The following USP42 variants were observed in gnomAD, a reference collection of about 807,000 sequenced individuals.
USP42 encodes the protein ubiquitin specific peptidase 42, also known as ubiquitin carboxyl-terminal hydrolase 42.
A neutral mutation model predicts 113.0 loss-of-function variants in USP42; 23 were observed. The ratio of observed to expected loss-of-function variants is 0.20; its 90% CI spans 0.15 to 0.29. The LOEUF is 0.29. Among genes scored for constraint, USP42 ranks in the 10% least tolerant of loss-of-function variants. The pLI is 1.00. For synonymous variants in USP42, 933 were observed against 699.0 expected (o/e 1.33, Z -5.28); for missense variants, 2,174 against 1,779.8 (o/e 1.22, Z -3.99).
chr7:6,122,144 A>C (rs1013910664), intron 3 of USP42, among the ~76,000 whole-genome samples: 3 of 152,076 alleles, frequency 2.0e-5, no homozygotes, highest in African/African-American at 7.2e-5. Flanking sequence ...GCTCTGTTCC[A>C]GTGTCTTAAG....
At chr7:6,117,891 G>C (rs2128483146) in intron 3 of USP42, among the ~76,000 whole-genome samples, 1 of 152,144 alleles carries the variant, frequency 6.6e-6, no homozygotes, top group African/African-American at 2.4e-5. Context: ...TTGCTAAAAT[G>C]CCTGTTGAAA....
At chr7:6,141,200 TC>T (rs373689781) in intron 7 of USP42, among the ~76,000 whole-genome samples, 16 of 149,774 alleles carry the variant, frequency 1.1e-4, no homozygotes, top group East Asian at 1.9e-4. Context: ...CTTTTTCTTT[TC>T]TTTTTTTTTT....
At chr7:6,098,922 G>C in the USP42 span, among the ~76,000 whole-genome samples, 1 of 150,186 alleles carries the variant, frequency 6.7e-6, no homozygotes, top group Admixed American at 6.6e-5. Context: ...TACCATTCTT[G>C]AACAAAGAGT....
At chr7:6,111,037 TG>T in intron 1 of USP42, 87 bp from the exon 2 acceptor site, 1 of 1,363,746 alleles carries the variant, frequency 7.3e-7, no homozygotes, top group Non-Finnish European at 9.8e-7. Flanking sequence ...TTAAAATGGC[TG>T]GAATGATCTT....
chr7:6,106,261 T>C (rs1779269960), intron 1 of USP42, among the ~76,000 whole-genome samples: 1 of 152,242 alleles, frequency 6.6e-6, no homozygotes, highest in Non-Finnish European at 1.5e-5. Context: ...TTAAAGCGTG[T>C]GTGTTTTCTC....
In USP42 at chr7:6,150,143, C is replaced by T. The variant is rs748779106; in HGVS notation, c.1947C>T (p.His649=). The change falls in exon 13 of 18, where the codon CAC becomes CAT. Residue 649 remains histidine, a synonymous_variant. Coordinates refer to ENST00000306177, the MANE Select transcript of USP42 (RefSeq NM_032172.3). ...QDAEDEEATP[H]ELQEPMTLNG... is the part of the protein sequence containing the mutation. ...CCGAAGATGAGGAGGCCACTCCGCA[C>T]GAGCTTCAAGAACCCATGACCCTAA... The T allele has an allele frequency of 1.4e-5, 23 of 1,613,468 alleles. No homozygotes were observed. The East Asian group carries it at 1.8e-4, about 13-fold the overall frequency.
chr7:6,114,678 A>ATATATATATATATT (rs1241045063), intron 2 of USP42, among the ~76,000 whole-genome samples: 2 of 18,880 alleles, frequency 1.1e-4, no homozygotes, highest in African/African-American at 3.5e-4. Flanking sequence ...ATATATATAT[A>ATATATATATATATT]TTTTTTTTTT....
At chr7:6,132,299 G>A (rs552301889) in intron 3 of USP42, among the ~76,000 whole-genome samples, 2 of 152,274 alleles carry the variant, frequency 1.3e-5, no homozygotes, top group South Asian at 2.1e-4. Context: ...TAAGAAGTCT[G>A]TTGTCGTTTT....
Position 6,159,430 on chromosome 7 carries a change from T to C in USP42, c.3944-20T>C, listed in dbSNP as rs1782646806. On this transcript the variant is annotated intron_variant, in intron 16 of 17. Transcript: ENST00000306177. This position sits in a 1 kb window ranked among gnomAD's most constrained non-coding sequence, Gnocchi z 4.1. ...TTTGCAACCATCATTAAAATCTCTTTCCTGACCTTTGCTTTCTAGGTGATT... is the reference window on the plus strand; with the variant it reads ...TTTGCAACCATCATTAAAATCTCTTCCCTGACCTTTGCTTTCTAGGTGATT... 1.9e-6 allele frequency: 3 copies of C among 1,613,946 alleles called. No homozygotes were observed. The highest frequency in any genetic ancestry group is 2.5e-6 in the Non-Finnish European group (3 of 1,179,866).
the USP42 span, among the ~76,000 whole-genome samples, chr7:6,092,057 CTTCTTCTTCTTCT>C: frequency 2.9e-3 from 164 of 56,556 alleles, no homozygotes; most frequent in South Asian, 5.1e-3. Context: ...CTTCTTCTTT[CTTCTTCTTCTTCT>C]TCTTCCTCTT....
At chr7:6,153,712 C>G (rs1416721953) in intron 14 of USP42, 44 bp from the exon 15 acceptor site, 3 of 1,425,296 alleles carry the variant, frequency 2.1e-6, no homozygotes, top group African/African-American at 1.5e-5. Flanking sequence ...ATGAGCCTGT[C>G]AAGCCCACGC....
Position 6,149,657 on chromosome 7 carries a change from T to A in USP42, c.1461T>A (p.Asn487Lys). The part of the protein sequence containing the change: ...PSSSMSSPNG[N>K]SSVNRASPVN... The stretch of plus-strand genomic sequence containing the variant: ...GTTCCATGTCGAGTCCTAACGGGAA[T>A]TCCAGTGTCAACAGGGCTAGTCCTG... The change falls in exon 13 of 18, where the codon AAT (asparagine) becomes AAA (lysine). Residue 487 changes from asparagine (N) to lysine (K), a missense_variant. Asn to Lys is a moderately conservative substitution (Grantham distance 94). Coordinates refer to ENST00000306177, the MANE Select transcript of USP42 (RefSeq NM_032172.3). 1 of 1,613,920 alleles carries A rather than the reference T, an allele frequency of 6.2e-7. No individual in the cohort carries two copies. The highest frequency in any genetic ancestry group is 8.5e-7 in the Non-Finnish European group (1 of 1,179,866).
At chr7:6,119,467 C>T (rs974426803) in intron 3 of USP42, among the ~76,000 whole-genome samples, 8 of 152,228 alleles carry the variant, frequency 5.3e-5, no homozygotes, top group Admixed American at 2.0e-4. Flanking sequence ...TGAGATCTTA[C>T]GTCAACCAAA....
chr7:6,122,464 T>TTTG (rs1780281817), intron 3 of USP42, among the ~76,000 whole-genome samples: 1 of 151,834 alleles, frequency 6.6e-6, no homozygotes, highest in Non-Finnish European at 1.5e-5. Flanking sequence ...TGTTTTGTTT[T>TTTG]TTTGTTTGTT....
intron 10 of USP42, 33 bp downstream of exon 10, chr7:6,145,689 T>TAATAGCTTATA (rs1157227338): frequency 6.3e-7 from 1 of 1,599,882 alleles, no homozygotes; most frequent in African/African-American, 1.3e-5. Context: ...TAACTATTGT[T>TAATAGCTTATA]ACATACATGC....
intron 1 of USP42, among the ~76,000 whole-genome samples, chr7:6,106,234 A>G (rs1236952209): frequency 6.6e-6 from 1 of 152,228 alleles, no homozygotes; most frequent in Non-Finnish European, 1.5e-5. Context: ...TATAATTAAG[A>G]CGAAGGTTTT....
chr7:6,087,484 A>C, the USP42 span, among the ~76,000 whole-genome samples: 1 of 148,476 alleles, frequency 6.7e-6, no homozygotes, highest in African/African-American at 2.6e-5. Context: ...CTACATGTGG[A>C]TGCCACTGCG....
chr7:6,115,846 C>T (rs1367932077), intron 3 of USP42, among the ~76,000 whole-genome samples: 1 of 152,086 alleles, frequency 6.6e-6, no homozygotes, highest in Non-Finnish European at 1.5e-5. Context: ...CACCTGTAAT[C>T]CCAGCACTTT....
At chr7:6,097,086 A>G in the USP42 span, among the ~76,000 whole-genome samples, 29 of 150,754 alleles carry the variant, frequency 1.9e-4, 2 homozygotes, top group African/African-American at 6.7e-4. Context: ...TTGTATGTTT[A>G]GTAGAGACGG....
Sources: gnomAD v4.1 joint callset for allele counts (sites outside exome capture counted in the v4.1 genomes callset) on GRCh38, gnomAD v4.1.1 for gene constraint, Gnocchi (gnomAD v3.1) non-coding constraint, MANE v1.5 for transcripts, NCBI Gene and HGNC (gene_info 2026-07-23, HGNC 2026-07-21) for gene names.